SV2B: variants seen among roughly 807,000 people sequenced by gnomAD.
SV2B encodes solute carrier family 22 member B2.
In SV2B, 41 loss-of-function variants were observed where a neutral mutation model predicts 73.9. That is an observed-to-expected ratio of 0.56 (90% CI 0.43 to 0.72). SV2B has a LOEUF of 0.72. Among genes scored for constraint, SV2B ranks in the 30% least tolerant of loss-of-function variants. The pLI is 0.00. For missense variants in SV2B, 764 were observed against 857.8 expected (o/e 0.89, Z 1.37); for synonymous variants, 314 against 314.2 (o/e 1.00, Z 0.01).
At chr15:91,117,932 A>G (rs765853007) in intron 1 of SV2B, among the ~76,000 whole-genome samples, 2 of 152,208 alleles carry the variant, frequency 1.3e-5, no homozygotes, top group Non-Finnish European at 2.9e-5. Flanking sequence ...TTGCAAAGCT[A>G]AAAATAAAGT....
chr15:91,254,484 G>T (rs987640385), intron 4 of SV2B, among the ~76,000 whole-genome samples: 1 of 152,062 alleles, frequency 6.6e-6, no homozygotes, highest in Non-Finnish European at 1.5e-5. Context: ...TGATCCACCC[G>T]CCTCAGCTTC....
Position 91,177,545 on chromosome 15 carries a change from C to G in SV2B, c.-391-48328C>G, listed in dbSNP as rs529883918. ...ATGAGCATGGAATGTTCTTCCATTT[C>G]TTTGTATCCTCTTTTATTTCATTGA... is the stretch of plus-strand genomic sequence containing the variant. On this transcript the variant is annotated intron_variant, in intron 1 of 12. Coordinates refer to ENST00000394232, the MANE Select transcript of SV2B (RefSeq NM_001323032.3). Among the ~76,000 whole-genome samples the G allele has an allele frequency of 4.9e-4, 72 of 147,666 alleles. 1 individual carries two copies. Among genetic ancestry groups the G allele is most frequent in the Middle Eastern group, 3.4e-3 (1 of 292 alleles).
rs140617996 is a variant in SV2B, at chr15:91,107,297, G to GTTTGTTTGTTTGTTTATTTATTTA, written c.-392+6937_-392+6938insGTTTGTTTGTTTATTTATTTATTT. ...TCAGACTTCATTACTTTATTTGTTT[G>GTTTGTTTGTTTGTTTATTTATTTA]TTTATTTATTTATTTATTTATTTAT... On this transcript the variant is annotated intron_variant, in intron 1 of 12. Transcript: ENST00000394232. Among the ~76,000 whole-genome samples, 531 of 145,836 alleles carry GTTTGTTTGTTTGTTTATTTATTTA rather than the reference G, an allele frequency of 3.6e-3. 5 individuals are homozygous for GTTTGTTTGTTTGTTTATTTATTTA. Among genetic ancestry groups the GTTTGTTTGTTTGTTTATTTATTTA allele is most frequent in the African/African-American group, 0.012 (477 of 38,802 alleles).
intron 6 of SV2B, among the ~76,000 whole-genome samples, chr15:91,262,087 A>G (rs950583322): frequency 6.6e-6 from 1 of 152,206 alleles, no homozygotes; most frequent in African/African-American, 2.4e-5. Context: ...AGGCAGGATC[A>G]CACGGTGGCT....
intron 6 of SV2B, among the ~76,000 whole-genome samples, chr15:91,260,843 A>T (rs2141654367): frequency 6.6e-6 from 1 of 152,304 alleles, no homozygotes; most frequent in South Asian, 2.1e-4. Flanking sequence ...AAAAGCAGAA[A>T]CCCCTGATAA....
Position 91,258,764 on chromosome 15 carries a change from A to G in SV2B, c.918+210A>G, listed in dbSNP as rs766708203. On this transcript the variant is annotated intron_variant, in intron 5 of 12. Transcript: ENST00000394232. The surrounding 1 kb of genome is among the most constrained non-coding windows in gnomAD (Gnocchi z 4.7). ...TGGATTCACGGACTGCAAATGCTGG[A>G]TGGTTCAAGAGCTTGTGGAGCCCAG... 2.0e-5 allele frequency among the ~76,000 whole-genome samples: 3 copies of G among 152,026 alleles called. No individual in the cohort carries two copies. The highest frequency in any genetic ancestry group is 6.6e-5 in the Admixed American group (1 of 15,262).
chr15:91,170,322 C>G (rs1366096930), intron 1 of SV2B, among the ~76,000 whole-genome samples: 1 of 152,132 alleles, frequency 6.6e-6, no homozygotes, highest in Admixed American at 6.5e-5. Flanking sequence ...GAGTCTCACT[C>G]TGTCACCCAG....
chr15:91,250,222 A>G (rs1256575197), intron 2 of SV2B, among the ~76,000 whole-genome samples: 1 of 152,254 alleles, frequency 6.6e-6, no homozygotes, highest in East Asian at 1.9e-4. Context: ...ATGCAAATCA[A>G]TAAATGTGAT....
chr15:91,109,853 A>C (rs550765652), intron 1 of SV2B, among the ~76,000 whole-genome samples: 36 of 152,222 alleles, frequency 2.4e-4, no homozygotes, highest in African/African-American at 8.2e-4. Context: ...CTCTCACCTC[A>C]GCCTCCCAAG....
chr15:91,201,270 A>G (rs2045451260), intron 1 of SV2B, among the ~76,000 whole-genome samples: 1 of 152,156 alleles, frequency 6.6e-6, no homozygotes, highest in Admixed American at 6.5e-5. Flanking sequence ...TGGGAACCTC[A>G]TTGGAATTTT....
At chr15:91,210,309 C>T (rs2045808896) in intron 1 of SV2B, among the ~76,000 whole-genome samples, 1 of 151,806 alleles carries the variant, frequency 6.6e-6, no homozygotes, top group Non-Finnish European at 1.5e-5. Flanking sequence ...GGAGCCGTAA[C>T]TGGGCAGCAG....
chr15:91,269,873 C>T (rs1300414695), intron 9 of SV2B, among the ~76,000 whole-genome samples: 1 of 152,158 alleles, frequency 6.6e-6, no homozygotes, highest in Non-Finnish European at 1.5e-5. Context: ...CAGACATCTC[C>T]ATACTCATAT....
rs373864015 is a variant in SV2B, at chr15:91,299,061, G to C, written c.*6509G>C. The C allele has an allele frequency of 7.4e-4, 113 of 152,166 alleles. 1 individual carries two copies. The highest frequency in any genetic ancestry group is 2.5e-3 in the African/African-American group (104 of 41,512). 9.4% of individuals were successfully genotyped at this position (152,166 alleles called of 1,614,324 possible). A position where few individuals can be genotyped will look rare whatever the true frequency, so the allele number is the denominator to read the frequency against. ...AGGTAACGCATGAGCTAAATAGCTTGATTTAGTCACTCTAAAATGTGGGTG... is the reference window on the plus strand; with the variant it reads ...AGGTAACGCATGAGCTAAATAGCTTCATTTAGTCACTCTAAAATGTGGGTG... On this transcript the variant is annotated 3_prime_UTR_variant, in exon 13 of 13. Coordinates refer to ENST00000394232, the MANE Select transcript of SV2B (RefSeq NM_001323032.3).
chr15:91,154,547 G>A (rs538116132), intron 1 of SV2B, among the ~76,000 whole-genome samples: 1 of 152,174 alleles, frequency 6.6e-6, no homozygotes, highest in Admixed American at 6.5e-5. Context: ...TCCTGCTGTG[G>A]GATGAATATG....
At chr15:91,171,214 T>A (rs915413176) in intron 1 of SV2B, among the ~76,000 whole-genome samples, 2 of 152,226 alleles carry the variant, frequency 1.3e-5, no homozygotes, top group African/African-American at 4.8e-5. Flanking sequence ...AACATAGCTC[T>A]GCTGTGTGAT....
At chr15:91,274,628 C>G (rs1225599817) in intron 9 of SV2B, among the ~76,000 whole-genome samples, 1 of 152,130 alleles carries the variant, frequency 6.6e-6, no homozygotes, top group Non-Finnish European at 1.5e-5. Context: ...TGTAAGTCCT[C>G]CTTTTTTGTA....
chr15:91,270,829 C>T (rs9744250), intron 9 of SV2B, among the ~76,000 whole-genome samples: 5,797 of 109,458 alleles, frequency 0.053, 534 homozygotes, highest in African/African-American at 0.19. Context: ...ATGGTGAATC[C>T]TGTGGATGAT....
In SV2B at chr15:91,258,126, G is replaced by A. The variant is rs1459920558; in HGVS notation, c.785-295G>A. 6.6e-6 allele frequency among the ~76,000 whole-genome samples: 1 copy of A among 152,226 alleles called. No homozygotes were observed. Among genetic ancestry groups the A allele is most frequent in the East Asian group, 1.9e-4 (1 of 5,202 alleles). On this transcript the variant is annotated intron_variant, in intron 4 of 12. Coordinates refer to ENST00000394232, the MANE Select transcript of SV2B (RefSeq NM_001323032.3). The surrounding 1 kb of genome is among the most constrained non-coding windows in gnomAD (Gnocchi z 4.7). ...TACTCTTATCCGAGGCTCTGTAAATGTCAGGCCAGGCCTGGACCTGGGGAT... is the reference window on the plus strand; with the variant it reads ...TACTCTTATCCGAGGCTCTGTAAATATCAGGCCAGGCCTGGACCTGGGGAT...
At chr15:91,177,711 A>C (rs1405119691) in intron 1 of SV2B, among the ~76,000 whole-genome samples, 1 of 121,988 alleles carries the variant, frequency 8.2e-6, no homozygotes, top group Non-Finnish European at 1.7e-5. Context: ...ATTGGTGTAT[A>C]AGAATGCTTG....
Sources: allele counts gnomAD v4.1 joint callset (sites outside exome capture counted in the v4.1 genomes callset), GRCh38; gene constraint gnomAD v4.1.1; non-coding constraint Gnocchi (gnomAD v3.1); transcripts MANE v1.5; gene names NCBI Gene and HGNC (gene_info 2026-07-23, HGNC 2026-07-21).